The following PCDHGA10 variants were observed in gnomAD, a reference collection of about 807,000 sequenced individuals.
The protein encoded by PCDHGA10 is protocadherin gamma-A10.
A neutral mutation model predicts 59.5 loss-of-function variants in PCDHGA10; 42 were observed. That is an observed-to-expected ratio of 0.71 (90% CI 0.55 to 0.91). The LOEUF is 0.91. Ranked by LOEUF, PCDHGA10 falls within the 40% of genes least tolerant of loss-of-function variation. The probability of loss-of-function intolerance (pLI) is 0.00; values close to 1 mark genes in which losing one functional copy is unlikely to be tolerated. For synonymous variants in PCDHGA10, 511 were observed against 517.2 expected, an observed-to-expected ratio of 0.99 and a Z score of 0.16; for missense variants, 1,111 against 1,198.2, an observed-to-expected ratio of 0.93 and a Z score of 1.07.
rs148331367 is a variant in PCDHGA10 at position 141,435,055 on chromosome 5, A to C, written c.2436+19444A>C. ...TTTATTTTTTTCCCATTGACCATGC[A>C]GCAGTTTTGTGTAGACCGTCTGATA... On this transcript the variant is annotated intron_variant, in intron 1 of 3. Transcript: ENST00000398610. Among the ~76,000 whole-genome samples, 21 of 152,242 alleles carry C rather than the reference A, an allele frequency of 1.4e-4. No individual in the cohort carries two copies. The East Asian group carries it at 4.0e-3, about 29-fold the overall frequency.
At chr5:141,454,267 A>G (rs1270638226) in intron 1 of PCDHGA10, among the ~76,000 whole-genome samples, 1 of 152,254 alleles carries the variant, frequency 6.6e-6, no homozygotes, top group Non-Finnish European at 1.5e-5. Context: ...AAGTAATGCC[A>G]GCAAAAACTT....
At chr5:141,497,203 G>A (rs750138875) in intron 2 of PCDHGA10, among the ~76,000 whole-genome samples, 25 of 91,718 alleles carry the variant, frequency 2.7e-4, no homozygotes, top group Non-Finnish European at 4.9e-4. Flanking sequence ...AACAATGTGA[G>A]TGTAATGGGG....
Position 141,415,500 on chromosome 5 carries a change from C to G in PCDHGA10, c.2325C>G (p.Pro775=), listed in dbSNP as rs754684999. Residue 775 remains proline (P), a synonymous_variant, in exon 1 of 4, where the codon CCC becomes CCG. Transcript: ENST00000398610. ...ADSRKSHLIF[P]QPNYADTLIS... Reference sequence around the variant, plus strand: ...CGCGAAAGAGTCACCTGATCTTCCCCCAGCCCAATTATGCGGACACGCTCA... The same window carrying G: ...CGCGAAAGAGTCACCTGATCTTCCCGCAGCCCAATTATGCGGACACGCTCA... 6.2e-6 allele frequency: 10 copies of G among 1,614,074 alleles called. No homozygotes were observed. The highest frequency in any genetic ancestry group is 8.5e-6 in the Non-Finnish European group (10 of 1,180,040).
chr5:141,428,121 G>T (rs764584436), intron 1 of PCDHGA10: 1 of 1,605,860 alleles, frequency 6.2e-7, no homozygotes. Context: ...CATCGAGCCC[G>T]GGCTTTTCAG....
chr5:141,489,477 G>C lies in PCDHGA10; in HGVS notation c.2437-5330G>C, dbSNP rs2154581232. 1.9e-6 allele frequency: 3 copies of C among 1,614,108 alleles called. No homozygotes were observed. Among genetic ancestry groups the C allele is most frequent in the Non-Finnish European group, 2.5e-6 (3 of 1,180,034 alleles). ...ATGGGCGCTATTTTTCCCTGAGCTT[G>C]ATGAGTGGTGCCCTGGCAGTGAATC... is the stretch of plus-strand genomic sequence containing the variant. On this transcript the variant is annotated intron_variant, in intron 1 of 3. Coordinates refer to ENST00000398610, the MANE Select transcript of PCDHGA10 (RefSeq NM_018913.3). This position sits in a 1 kb window ranked among gnomAD's most constrained non-coding sequence, Gnocchi z 4.5.
At chr5:141,472,617 A>G (rs1024856184) in intron 1 of PCDHGA10, among the ~76,000 whole-genome samples, 3 of 152,138 alleles carry the variant, frequency 2.0e-5, no homozygotes, top group African/African-American at 7.2e-5. Flanking sequence ...CAAAGAAGAA[A>G]AAAGATAAAG....
intron 1 of PCDHGA10, chr5:141,419,136 A>G: frequency 1.9e-6 from 3 of 1,613,918 alleles, no homozygotes; most frequent in Non-Finnish European, 1.7e-6. Context: ...GCAGCCACAG[A>G]CAGGGGCAAG....
rs2099411033 is a variant in PCDHGA10, at chr5:141,477,423, C to T, written c.2437-17384C>T. ...ACCGCCCGAGACGCCGGAACCCCTT[C>T]CCTCTCAGCCCTTACAATAGTGCGT... On this transcript the variant is annotated intron_variant, in intron 1 of 3. Coordinates refer to ENST00000398610, the MANE Select transcript of PCDHGA10 (RefSeq NM_018913.3). This position sits in a 1 kb window ranked among gnomAD's most constrained non-coding sequence, Gnocchi z 4.9. 1.9e-6 allele frequency: 3 copies of T among 1,614,196 alleles called. No individual in the cohort carries two copies. The highest frequency in any genetic ancestry group is 2.2e-5 in the East Asian group (1 of 44,882).
chr5:141,465,142 T>TCCCTAA (rs2099097979), intron 1 of PCDHGA10, among the ~76,000 whole-genome samples: 3 of 151,990 alleles, frequency 2.0e-5, no homozygotes, highest in Non-Finnish European at 4.4e-5. Flanking sequence ...GTTTAGGGGA[T>TCCCTAA]ATATGAAGGG....
rs188117490 is a variant in PCDHGA10 at position 141,507,256 on chromosome 5, C to G, written c.2584+1775C>G. 3 of 152,178 alleles carry G rather than the reference C, an allele frequency of 2.0e-5. No individual in the cohort carries two copies. In the East Asian group the frequency reaches 5.8e-4, roughly 29 times the overall value. The allele number at this position is 152,178 out of a possible 1,614,324, so 9.4% of individuals were successfully genotyped here. ...CAGTTACAGTTGAATGTCAGATAAA[C>G]AGCAAGTACTATTTCAGCATAAGTC... On this transcript the variant is annotated intron_variant, in intron 3 of 3. Coordinates refer to ENST00000398610, the MANE Select transcript of PCDHGA10 (RefSeq NM_018913.3).
chr5:141,428,492 A>C (rs2097142759), intron 1 of PCDHGA10: 1 of 307,660 alleles, frequency 3.3e-6, no homozygotes. Flanking sequence ...TGCAATCTGT[A>C]TGTTCCCTCG....
chr5:141,422,762 C>A (rs745320796), intron 1 of PCDHGA10: 1 of 1,613,392 alleles, frequency 6.2e-7, no homozygotes, highest in Admixed American at 1.7e-5. Context: ...AACTCCAACA[C>A]TGGTGTTCTC....
intron 2 of PCDHGA10, 57 bp downstream of exon 2, chr5:141,494,922 C>G: frequency 6.2e-7 from 1 of 1,613,670 alleles, no homozygotes; most frequent in Admixed American, 1.7e-5. Context: ...TCAGGGATGA[C>G]GTGGGAGGAG....
At position 141,413,533 on chromosome 5, in the gene PCDHGA10, C is replaced by G; in HGVS notation, c.358C>G (p.Leu120Val). The change falls in exon 1 of 4, where the codon CTT becomes GTT. Residue 120 changes from leucine to valine, a missense_variant. Physicochemically the swap from Leu to Val is conservative, Grantham distance 32. Transcript: ENST00000398610. The stretch of plus-strand genomic sequence containing the variant: ...TATCCTTGTGGAAGACAGGGTGAAA[C>G]TTTTTGGGATAGAAATAGAAGTAAC... ...FNILVEDRVK[L>V]FGIEIEVTDI... 1 of 1,613,934 alleles carries G rather than the reference C, an allele frequency of 6.2e-7. No homozygotes were observed. Among genetic ancestry groups the G allele is most frequent in the Non-Finnish European group, 8.5e-7 (1 of 1,179,900 alleles).
intron 1 of PCDHGA10, among the ~76,000 whole-genome samples, chr5:141,480,866 G>A (rs1329444129): frequency 6.6e-6 from 1 of 152,142 alleles, no homozygotes; most frequent in Non-Finnish European, 1.5e-5. Flanking sequence ...CCAATATGGT[G>A]AAACCCCGTC....
At chr5:141,433,640 A>C (rs2097637476) in intron 1 of PCDHGA10, among the ~76,000 whole-genome samples, 2 of 152,138 alleles carry the variant, frequency 1.3e-5, no homozygotes, top group South Asian at 2.1e-4. Flanking sequence ...GTTTGAGACC[A>C]GCCTGACCAA....
Position 141,415,388 on chromosome 5 carries a change from G to C in PCDHGA10, c.2213G>C (p.Gly738Ala), listed in dbSNP as rs752789407. ...LLQASGGGLT[G>A]VSGSHFVGVD... is the part of the protein sequence containing the mutation. ...CAGGCTTCAGGAGGCGGCTTGACAGGTGTGTCCGGCTCGCACTTTGTGGGC... is the reference window on the plus strand; with the variant it reads ...CAGGCTTCAGGAGGCGGCTTGACAGCTGTGTCCGGCTCGCACTTTGTGGGC... Residue 738 changes from glycine to alanine, a missense_variant, in exon 1 of 4, where the codon GGT becomes GCT. By Grantham distance (60) the Gly-to-Ala change is moderately conservative (BLOSUM62 0). Coordinates refer to ENST00000398610, the MANE Select transcript of PCDHGA10 (RefSeq NM_018913.3). The C allele has an allele frequency of 6.2e-7, 1 of 1,614,236 alleles. No homozygotes were observed. The highest frequency in any genetic ancestry group is 2.2e-5 in the East Asian group (1 of 44,882).
chr5:141,470,768 G>T (rs2099239559), intron 1 of PCDHGA10, among the ~76,000 whole-genome samples: 1 of 152,142 alleles, frequency 6.6e-6, no homozygotes, highest in South Asian at 2.1e-4. Context: ...ACTCACTACA[G>T]TCTTGAATTC....
intron 1 of PCDHGA10, among the ~76,000 whole-genome samples, chr5:141,463,205 A>T (rs2099054933): frequency 6.6e-6 from 1 of 152,080 alleles, no homozygotes; most frequent in Non-Finnish European, 1.5e-5. Context: ...AGACTTGGGG[A>T]TCCATATTAA....
Sources: allele counts gnomAD v4.1 joint callset (sites outside exome capture counted in the v4.1 genomes callset), GRCh38; gene constraint gnomAD v4.1.1; non-coding constraint Gnocchi (gnomAD v3.1); transcripts MANE v1.5; gene names NCBI Gene and HGNC (gene_info 2026-07-23, HGNC 2026-07-21).